IQGAP2: variants seen among roughly 807,000 people sequenced by gnomAD.
The protein encoded by IQGAP2 is ras GTPase-activating-like protein IQGAP2.
In IQGAP2, 173 loss-of-function variants were observed where a neutral mutation model predicts 201.3. The ratio of observed to expected loss-of-function variants is 0.86; its 90% CI spans 0.76 to 0.98. The LOEUF (loss-of-function observed/expected upper bound fraction) is 0.98, where lower values mean the gene tolerates loss of function less well. IQGAP2 is among the 50% of genes least tolerant of loss of function. The pLI is 0.00. For missense variants in IQGAP2, 1,687 were observed against 1,864.8 expected (o/e 0.90, Z 1.76); for synonymous variants, 675 against 673.9 (o/e 1.00, Z -0.03).
At chr5:76,451,605 A>G (rs1753750686) in intron 1 of IQGAP2, among the ~76,000 whole-genome samples, 2 of 152,250 alleles carry the variant, frequency 1.3e-5, no homozygotes, top group African/African-American at 4.8e-5. Flanking sequence ...TATTCATTGT[A>G]CATTTTGAAT....
At chr5:76,702,877 T>C (rs1236435276) in intron 35 of IQGAP2, among the ~76,000 whole-genome samples, 3 of 152,230 alleles carry the variant, frequency 2.0e-5, no homozygotes, top group African/African-American at 7.2e-5. Context: ...TATTCAGAGC[T>C]ATTAAATAAA....
chr5:76,464,099 C>T (rs1226394775), intron 2 of IQGAP2, among the ~76,000 whole-genome samples: 3 of 152,210 alleles, frequency 2.0e-5, no homozygotes, highest in South Asian at 2.1e-4. Flanking sequence ...CCGCCCACCT[C>T]GGCTCCCAAA....
chr5:76,666,610 CA>C (rs1743777446), intron 22 of IQGAP2, among the ~76,000 whole-genome samples: 1 of 152,246 alleles, frequency 6.6e-6, no homozygotes, highest in African/African-American at 2.4e-5. Flanking sequence ...TCAGTTGTAT[CA>C]AGTGAACTCT....
intron 2 of IQGAP2, among the ~76,000 whole-genome samples, chr5:76,505,577 T>C (rs1209558906): frequency 6.6e-6 from 1 of 152,198 alleles, no homozygotes; most frequent in Non-Finnish European, 1.5e-5. Context: ...AAAAATCCTC[T>C]TAAGTAACAA....
At chr5:76,598,903 A>G (rs1410735879) in intron 10 of IQGAP2, among the ~76,000 whole-genome samples, 11 of 152,224 alleles carry the variant, frequency 7.2e-5, no homozygotes, top group Admixed American at 6.5e-4. Context: ...AGATATCCAT[A>G]CTAATATTAA....
chr5:76,516,939 C>T (rs1005188222), intron 2 of IQGAP2, among the ~76,000 whole-genome samples: 5 of 152,136 alleles, frequency 3.3e-5, no homozygotes, highest in Non-Finnish European at 4.4e-5. Context: ...TTTGTAAGTA[C>T]TTGTTTTAAA....
intron 4 of IQGAP2, among the ~76,000 whole-genome samples, chr5:76,572,020 C>T (rs1028100570): frequency 2.0e-5 from 3 of 152,170 alleles, no homozygotes; most frequent in African/African-American, 7.2e-5. Flanking sequence ...GATTGCATCC[C>T]TCCCCCAGCC....
At chr5:76,593,681 A>G (rs536139736) in intron 9 of IQGAP2, among the ~76,000 whole-genome samples, 1 of 152,342 alleles carries the variant, frequency 6.6e-6, no homozygotes, top group African/African-American at 2.4e-5. Context: ...GTCAATCTAG[A>G]TAATCCATAT....
intron 13 of IQGAP2, among the ~76,000 whole-genome samples, chr5:76,625,200 C>T (rs1750110008): frequency 6.6e-6 from 1 of 152,156 alleles, no homozygotes; most frequent in Non-Finnish European, 1.5e-5. Flanking sequence ...TAATTTCTCT[C>T]TTCAGTTTGG....
intron 30 of IQGAP2, chr5:76,691,526 G>A (rs1746263164): frequency 6.6e-6 from 1 of 152,176 alleles, no homozygotes; most frequent in Admixed American, 6.5e-5. Context: ...GTGGTGTGTA[G>A]GAAGGAAAGG....
intron 12 of IQGAP2, among the ~76,000 whole-genome samples, chr5:76,610,676 A>G (rs1317906474): frequency 6.6e-6 from 1 of 152,130 alleles, no homozygotes; most frequent in East Asian, 1.9e-4. Flanking sequence ...TAAATCTTCC[A>G]ATTCATGAAC....
chr5:76,689,023 T>G (rs1746027184), intron 30 of IQGAP2, among the ~76,000 whole-genome samples: 1 of 151,952 alleles, frequency 6.6e-6, no homozygotes, highest in Non-Finnish European at 1.5e-5. Context: ...CTTAGGAATC[T>G]TAGAATAAAT....
At position 76,568,913 on chromosome 5, in the gene IQGAP2, G is replaced by C. The variant is rs188374301; in HGVS notation, c.304-1667G>C. On this transcript the variant is annotated intron_variant, in intron 3 of 35. Transcript: ENST00000274364. ...CACAGAGGGTTCTCATACCTGTCTT[G>C]GTTCAGACTTGATTGTGGATTGTTT... Among the ~76,000 whole-genome samples, 64 of 152,266 alleles carry C rather than the reference G, an allele frequency of 4.2e-4. No homozygotes were observed. In the East Asian group the frequency reaches 7.3e-3, roughly 17 times the overall value.
intron 3 of IQGAP2, among the ~76,000 whole-genome samples, chr5:76,566,544 T>C (rs990379284): frequency 6.6e-6 from 1 of 152,132 alleles, no homozygotes; most frequent in African/African-American, 2.4e-5. Context: ...ATGGAGCACC[T>C]GAGATTTCAT....
Position 76,641,088 on chromosome 5 carries a change from T to C in IQGAP2, c.2079T>C (p.Asn693=). Residue 693 remains asparagine, a synonymous_variant, in exon 17 of 36, where the codon AAT becomes AAC. Transcript: ENST00000274364. ...RKSFLHEQEE[N]VVKIQAFWKG... ...CATTTTTGCATGAACAAGAAGAGAATGTGGTCAAAATACAGGTATGTGGAT... is the reference window on the plus strand; with the variant it reads ...CATTTTTGCATGAACAAGAAGAGAACGTGGTCAAAATACAGGTATGTGGAT... 1 of 1,601,040 alleles carries C rather than the reference T, an allele frequency of 6.2e-7. No individual in the cohort carries two copies. The highest frequency in any genetic ancestry group is 8.6e-7 in the Non-Finnish European group (1 of 1,169,556).
intron 1 of IQGAP2, among the ~76,000 whole-genome samples, chr5:76,428,935 A>C (rs980208057): frequency 6.6e-6 from 1 of 151,996 alleles, no homozygotes; most frequent in Non-Finnish European, 1.5e-5. Flanking sequence ...TCTGCTAAAA[A>C]TACATAAATT....
intron 2 of IQGAP2, among the ~76,000 whole-genome samples, chr5:76,550,264 G>A (rs191565366): frequency 3.5e-4 from 53 of 152,192 alleles, no homozygotes; most frequent in African/African-American, 1.2e-3. Flanking sequence ...AACCTAGCTG[G>A]GCAAATTATG....
chr5:76,461,524 T>A, intron 1 of IQGAP2, 46 bp from the exon 2 acceptor site: 2 of 1,383,064 alleles, frequency 1.4e-6, no homozygotes, highest in Non-Finnish European at 2.1e-6. Flanking sequence ...AGGTGTTTAA[T>A]GAAGACTGCC....
At chr5:76,587,329 T>C (rs1401385837) in intron 5 of IQGAP2, among the ~76,000 whole-genome samples, 1 of 151,876 alleles carries the variant, frequency 6.6e-6, no homozygotes, top group Non-Finnish European at 1.5e-5. Context: ...TTTTCATGGC[T>C]TTATTGTAAC....
Sources: gnomAD v4.1 joint callset for allele counts (sites outside exome capture counted in the v4.1 genomes callset) on GRCh38, gnomAD v4.1.1 for gene constraint, MANE v1.5 for transcripts, NCBI Gene and HGNC (gene_info 2026-07-23, HGNC 2026-07-21) for gene names.